RNF182: variants seen among roughly 807,000 people sequenced by gnomAD.
The protein encoded by RNF182 is E3 ubiquitin-protein ligase RNF182.
A neutral mutation model predicts 14.4 loss-of-function variants in RNF182; 15 were observed. The observed-to-expected ratio is 1.04, with a 90% CI of 0.70 to 1.60. The LOEUF is 1.60. Among genes scored for constraint, RNF182 ranks in the 40% most tolerant of loss-of-function variants. RNF182 has a pLI of 0.00. For missense variants in RNF182, 268 were observed against 294.8 expected (o/e 0.91, Z 0.67); for synonymous variants, 128 against 122.9 (o/e 1.04, Z -0.27).
At chr6:13,968,602 A>G (rs1490908683) in intron 1 of RNF182, among the ~76,000 whole-genome samples, 2 of 152,234 alleles carry the variant, frequency 1.3e-5, no homozygotes, top group Non-Finnish European at 2.9e-5. Flanking sequence ...AAAAAAGTCT[A>G]GAGACCAATT....
chr6:13,946,877 T>C (rs1402753858), intron 1 of RNF182, among the ~76,000 whole-genome samples: 2 of 152,196 alleles, frequency 1.3e-5, no homozygotes, highest in Non-Finnish European at 2.9e-5. Flanking sequence ...GGGAGGAGTT[T>C]AGTCATAAAG....
At chr6:13,975,936 A>G (rs1760311324) in intron 2 of RNF182, among the ~76,000 whole-genome samples, 1 of 152,240 alleles carries the variant, frequency 6.6e-6, no homozygotes, top group Non-Finnish European at 1.5e-5. Context: ...TTCCATTAGT[A>G]CTGAAAATTG....
At position 13,978,501 on chromosome 6, in the gene RNF182, A is replaced by G. The variant is rs1169799261; in HGVS notation, c.*638A>G. ...AAAAGCACTGAGGAATTTGCATCAC[A>G]GTCAGCTTCATGGCAGAATGTGGCC... On this transcript the variant is annotated 3_prime_UTR_variant, in exon 3 of 3. Transcript: ENST00000488300. 2 of 166,374 alleles carry G rather than the reference A, an allele frequency of 1.2e-5. No homozygotes were observed. Among genetic ancestry groups the G allele is most frequent in the African/African-American group, 4.9e-5 (2 of 41,190 alleles). The allele number at this position is 166,374 out of a possible 1,614,324, so 10.3% of individuals were successfully genotyped here. A position where few individuals can be genotyped will look rare whatever the true frequency, so the allele number is the denominator to read the frequency against.
chr6:13,941,813 C>T (rs1259965876), intron 1 of RNF182, among the ~76,000 whole-genome samples: 1 of 152,150 alleles, frequency 6.6e-6, no homozygotes, highest in Non-Finnish European at 1.5e-5. Context: ...TACTTTGACT[C>T]TATAAACCCC....
chr6:13,937,459 A>G (rs984866083), intron 1 of RNF182, among the ~76,000 whole-genome samples: 11 of 152,186 alleles, frequency 7.2e-5, no homozygotes, highest in African/African-American at 2.7e-4. Context: ...TTCACCAACT[A>G]TTTGGGATAT....
rs1444673577 is a variant in RNF182, at chr6:13,925,027, A to C, written c.-367+4A>C. On this transcript the variant is annotated splice_donor_region_variant and intron_variant, in intron 1 of 2. Coordinates refer to ENST00000488300, the MANE Select transcript of RNF182 (RefSeq NM_152737.4). ...GCCCTGGGCCGCCGCCGGCCAGGTA[A>C]GGCGATCGCGCCCGCGGCCGGGGAG... is the stretch of plus-strand genomic sequence containing the variant. 1 of 3,136 alleles carries C rather than the reference A, an allele frequency of 3.2e-4. No homozygotes were observed. The highest frequency in any genetic ancestry group is 6.9e-4 in the Non-Finnish European group (1 of 1,452). The allele number at this position is 3,136 out of a possible 1,614,324, so 0.2% of individuals were successfully genotyped here.
At position 13,978,884 on chromosome 6, in the gene RNF182, A is replaced by C. The variant is rs1760420850; in HGVS notation, c.*1021A>C. 6.0e-6 allele frequency: 1 copy of C among 167,096 alleles called. No individual in the cohort carries two copies. The highest frequency in any genetic ancestry group is 1.5e-5 in the Non-Finnish European group (1 of 68,106). 10.4% of individuals were successfully genotyped at this position (167,096 alleles called of 1,614,324 possible). On this transcript the variant is annotated 3_prime_UTR_variant, in exon 3 of 3. Transcript: ENST00000488300. ...CAGTTAATGAGATGCTTCAGCTCAC[A>C]GTTTGAAGTGCTGAGAACCTAAGTA...
At chr6:13,960,656 A>AGAGTGT (rs1298804988) in intron 1 of RNF182, among the ~76,000 whole-genome samples, 1 of 133,112 alleles carries the variant, frequency 7.5e-6, no homozygotes, top group Admixed American at 7.6e-5. Flanking sequence ...GGAGAGAGAG[A>AGAGTGT]GTGTGTGTGT....
At chr6:13,941,844 G>T (rs905652105) in intron 1 of RNF182, among the ~76,000 whole-genome samples, 2 of 152,058 alleles carry the variant, frequency 1.3e-5, no homozygotes, top group East Asian at 1.9e-4. Flanking sequence ...TGGAATCGTT[G>T]TATCAGTTTA....
At chr6:13,967,308 TA>T (rs745468274) in intron 1 of RNF182, among the ~76,000 whole-genome samples, 1 of 152,198 alleles carries the variant, frequency 6.6e-6, no homozygotes, top group Non-Finnish European at 1.5e-5. Context: ...AGACATTATA[TA>T]ATGACAAAAA....
chr6:13,933,753 T>TA (rs1585029936), intron 1 of RNF182, among the ~76,000 whole-genome samples: 1 of 152,140 alleles, frequency 6.6e-6, no homozygotes, highest in East Asian at 1.9e-4. Flanking sequence ...CATGGTGGCT[T>TA]ATGCCTGTAA....
At chr6:13,951,419 C>G (rs1759588934) in intron 1 of RNF182, among the ~76,000 whole-genome samples, 1 of 152,198 alleles carries the variant, frequency 6.6e-6, no homozygotes, top group Admixed American at 6.5e-5. Flanking sequence ...CTATGGGAGT[C>G]TTATCTCTCA....
rs1760388129 is a variant in RNF182, at chr6:13,978,029, A to G, written c.*166A>G. On this transcript the variant is annotated 3_prime_UTR_variant, in exon 3 of 3. Transcript: ENST00000488300. ...TTGGTTTTCCTGTAGGCTGGAAGTA[A>G]AAATGTTCATTTCTACTTAGGGGTT... 4 of 797,012 alleles carry G rather than the reference A, an allele frequency of 5.0e-6. No homozygotes were observed. The South Asian group carries it at 8.4e-5, about 17-fold the overall frequency. 49.4% of individuals were successfully genotyped at this position (797,012 alleles called of 1,614,324 possible). A position where few individuals can be genotyped will look rare whatever the true frequency, so the allele number is the denominator to read the frequency against.
At chr6:13,958,142 T>C (rs898429040) in intron 1 of RNF182, among the ~76,000 whole-genome samples, 1 of 152,062 alleles carries the variant, frequency 6.6e-6, no homozygotes, top group Non-Finnish European at 1.5e-5. Context: ...ATTTATAATC[T>C]GTTGGGAGGC....
rs1249161003 is a variant in RNF182 at position 13,978,541 on chromosome 6, C to G, written c.*678C>G. On this transcript the variant is annotated 3_prime_UTR_variant, in exon 3 of 3. Transcript: ENST00000488300. ...AGAATGTGGCCATTTGTCCTTGAGA[C>G]ACACTCTTTCCTCCATGTCTGTTTT... 6.0e-6 allele frequency: 1 copy of G among 165,598 alleles called. No homozygotes were observed. The highest frequency in any genetic ancestry group is 2.0e-4 in the East Asian group (1 of 5,078). 10.3% of individuals were successfully genotyped at this position (165,598 alleles called of 1,614,324 possible).
intron 1 of RNF182, among the ~76,000 whole-genome samples, chr6:13,973,381 G>T (rs1760243581): frequency 6.6e-6 from 1 of 152,108 alleles, no homozygotes; most frequent in Non-Finnish European, 1.5e-5. Context: ...GGGCACGATT[G>T]GTTTTGAGAT....
At chr6:13,946,440 C>A (rs1417285207) in intron 1 of RNF182, among the ~76,000 whole-genome samples, 1 of 152,138 alleles carries the variant, frequency 6.6e-6, no homozygotes, top group African/African-American at 2.4e-5. Context: ...GTTGGGATTA[C>A]AGGCATGAGC....
intron 1 of RNF182, among the ~76,000 whole-genome samples, chr6:13,961,165 A>T (rs1369741786): frequency 6.6e-6 from 1 of 152,176 alleles, no homozygotes; most frequent in Admixed American, 6.5e-5. Context: ...ATTGTGCTTT[A>T]CTTGCTGTAC....
At chr6:13,925,291 C>T (rs1211462558) in intron 1 of RNF182, 1 of 151,352 alleles carries the variant, frequency 6.6e-6, no homozygotes, top group African/African-American at 2.4e-5. Flanking sequence ...GCTGCACCTG[C>T]TCAGGGAGCT....
Sources: allele counts gnomAD v4.1 joint callset (sites outside exome capture counted in the v4.1 genomes callset), GRCh38; gene constraint gnomAD v4.1.1; transcripts MANE v1.5; gene names NCBI Gene and HGNC (gene_info 2026-07-23, HGNC 2026-07-21).